DCAF8L2: variants seen among roughly 807,000 people sequenced by gnomAD.
DCAF8L2 encodes DDB1- and CUL4-associated factor 8-like protein 2.
For missense variants in DCAF8L2, 430 were observed against 490.7 expected (o/e 0.88, Z 1.17); for synonymous variants, 200 against 190.9 (o/e 1.05, Z -0.39).
Position 27,631,873 on chromosome X carries a change from C to T in DCAF8L2, c.-341-6C>T, listed in dbSNP as rs188161639. On this transcript the variant is annotated splice_region_variant and splice_polypyrimidine_tract_variant and intron_variant, in intron 1 of 4. Coordinates refer to ENST00000451261, the MANE Select transcript of DCAF8L2 (RefSeq NM_001353450.2). ...CTCTCAGAACTACTTTTTCTCTGTC[C>T]CACAGGTTTTGGTATACTGAGCCTG... 1 of 111,455 alleles carries T rather than the reference C, an allele frequency of 9.0e-6. No individual in the cohort carries two copies. Among genetic ancestry groups the T allele is most frequent in the Admixed American group, 9.5e-5 (1 of 10,489 alleles). The allele number at this position is 111,455 out of a possible 1,213,427, so 9.2% of individuals were successfully genotyped here. A position where few individuals can be genotyped will look rare whatever the true frequency, so the allele number is the denominator to read the frequency against.
At chrX:27,735,616 G>C (rs1032480279) in intron 4 of DCAF8L2, among the ~76,000 whole-genome samples, 7 of 111,928 alleles carry the variant, frequency 6.3e-5, no homozygotes, top group African/African-American at 2.3e-4. Flanking sequence ...CAGGAGACTC[G>C]ATCAGTTTCT....
chrX:27,619,127 T>C (rs1386437629), intron 1 of DCAF8L2, among the ~76,000 whole-genome samples: 1 of 110,798 alleles, frequency 9.0e-6, no homozygotes, highest in Non-Finnish European at 1.9e-5. Flanking sequence ...AAACTAGCTC[T>C]ATGAGATATG....
chrX:27,747,269 G>GGGAGGA lies in DCAF8L2; in HGVS notation c.381_386dup (p.Glu146_Glu147dup). 9.1e-7 allele frequency: 1 copy of GGGAGGA among 1,101,621 alleles called. No individual in the cohort carries two copies. Among genetic ancestry groups the GGGAGGA allele is most frequent in the Non-Finnish European group, 1.2e-6 (1 of 833,615 alleles). The allele number at this position is 1,101,621 out of a possible 1,213,427, so 90.8% of individuals were successfully genotyped here. ...GACGAAGAGATACAAGAGGAGGGAG[G>GGGAGGA]GGAGGAGGAGGAAGAGGAGGAGGAG... On this transcript the variant is annotated inframe_insertion, in exon 5 of 5. Transcript: ENST00000451261.
At chrX:27,514,522 A>G in the DCAF8L2 span, among the ~76,000 whole-genome samples, 188 of 104,978 alleles carry the variant, frequency 1.8e-3, 1 homozygote, top group African/African-American at 6.0e-3. Context: ...ACAAAAAATT[A>G]GCCGGGCGTA....
At chrX:27,606,290 TTATATATATATGAATTA>T (rs1569157841) in intron 1 of DCAF8L2, among the ~76,000 whole-genome samples, 2 of 81,287 alleles carry the variant, frequency 2.5e-5, no homozygotes, top group African/African-American at 4.8e-5. Context: ...TATATAGGAA[TTATATATATATGAATTA>T]TATATATATA....
chrX:27,647,099 T>G (rs1411194518), intron 2 of DCAF8L2, among the ~76,000 whole-genome samples: 1 of 112,062 alleles, frequency 8.9e-6, no homozygotes, highest in Non-Finnish European at 1.9e-5. Flanking sequence ...ATTACAAAGA[T>G]ACATGCAAAT....
Position 27,748,771 on chromosome X carries a change from G to C in DCAF8L2, c.1876G>C (p.Val626Leu). The change falls in exon 5 of 5, where the codon GTG becomes CTG. Residue 626 changes from valine (V) to leucine (L), a missense_variant. Transcript: ENST00000451261. ...ATCTGAGGAGGAGGTCCAAGACCGA[G>C]TGCAGTGCATGCCATCCTGAAGGCC... is the stretch of plus-strand genomic sequence containing the variant. ...ETSEEEVQDR[V>L]QCMPS The C allele has an allele frequency of 1.7e-6, 2 of 1,203,144 alleles. No individual in the cohort carries two copies. Among genetic ancestry groups the C allele is most frequent in the Non-Finnish European group, 2.2e-6 (2 of 890,083 alleles).
At chrX:27,480,784 C>CTGTTG in the DCAF8L2 span, among the ~76,000 whole-genome samples, 1 of 111,630 alleles carries the variant, frequency 9.0e-6, no homozygotes, top group Non-Finnish European at 1.9e-5. Context: ...TACATTTCTT[C>CTGTTG]TGTTGACCTA....
chrX:27,507,798 TA>T, the DCAF8L2 span, among the ~76,000 whole-genome samples: 23 of 111,441 alleles, frequency 2.1e-4, no homozygotes, highest in African/African-American at 7.1e-4. Context: ...TTCAGAGTAT[TA>T]AAAAATTCAA....
chrX:27,567,546 C>CATATATATATATATATATATAT, the DCAF8L2 span, among the ~76,000 whole-genome samples: 2 of 29,624 alleles, frequency 6.8e-5, no homozygotes, highest in Admixed American at 5.4e-4. Flanking sequence ...ACCACTGTAG[C>CATATATATATATATATATATAT]ATATATATAT....
At chrX:27,508,915 C>T in the DCAF8L2 span, among the ~76,000 whole-genome samples, 2 of 109,867 alleles carry the variant, frequency 1.8e-5, no homozygotes, top group African/African-American at 3.3e-5. Flanking sequence ...AGTCTAGTTC[C>T]CAGTACTCAG....
At chrX:27,530,834 A>G in the DCAF8L2 span, among the ~76,000 whole-genome samples, 1 of 112,096 alleles carries the variant, frequency 8.9e-6, no homozygotes, top group African/African-American at 3.2e-5. Context: ...TGGGCAGAAG[A>G]CAAGAAATAG....
chrX:27,628,665 G>A (rs1195926288), intron 1 of DCAF8L2, among the ~76,000 whole-genome samples: 2 of 106,215 alleles, frequency 1.9e-5, no homozygotes, highest in Non-Finnish European at 3.9e-5. Flanking sequence ...GTGCAGTGGC[G>A]CGATCTCGGC....
intron 3 of DCAF8L2, among the ~76,000 whole-genome samples, chrX:27,705,293 G>C: frequency 9.0e-6 from 1 of 111,272 alleles, no homozygotes; most frequent in Non-Finnish European, 1.9e-5. Context: ...ATAGAAATAT[G>C]TTTCATTTCT....
intron 4 of DCAF8L2, among the ~76,000 whole-genome samples, chrX:27,720,497 C>T (rs949197369): frequency 9.0e-6 from 1 of 110,715 alleles, no homozygotes; most frequent in African/African-American, 3.3e-5. Context: ...CCTCAGCCTC[C>T]CGAGTAGCTG....
chrX:27,676,206 T>C (rs752263961), intron 2 of DCAF8L2, among the ~76,000 whole-genome samples: 6 of 111,422 alleles, frequency 5.4e-5, no homozygotes, highest in East Asian at 2.8e-4. Context: ...TAGTAACTTA[T>C]GCTTACTCAC....
the DCAF8L2 span, among the ~76,000 whole-genome samples, chrX:27,514,565 A>G: frequency 3.0e-5 from 3 of 98,669 alleles, no homozygotes; most frequent in African/African-American, 7.4e-5. Context: ...GCTACTTGGG[A>G]GGCTGAGGCA....
At chrX:27,693,050 A>T (rs5926858) in intron 3 of DCAF8L2, among the ~76,000 whole-genome samples, 32,090 of 111,193 alleles carry the variant, frequency 0.29, 3,994 homozygotes, top group Middle Eastern at 0.45. Context: ...CACATTACTG[A>T]TTAATTCGCG....
At chrX:27,499,782 A>G in the DCAF8L2 span, among the ~76,000 whole-genome samples, 2 of 110,759 alleles carry the variant, frequency 1.8e-5, no homozygotes, top group Non-Finnish European at 3.8e-5. Flanking sequence ...AATCATGTCC[A>G]ATCAGGTCCC....
Sources: allele counts gnomAD v4.1 joint callset (sites outside exome capture counted in the v4.1 genomes callset), GRCh38; gene constraint gnomAD v4.1.1; transcripts MANE v1.5; gene names NCBI Gene and HGNC (gene_info 2026-07-23, HGNC 2026-07-21).